The following SVIL variants were observed in gnomAD, a reference collection of about 807,000 sequenced individuals.
SVIL encodes supervillin.
A neutral mutation model predicts 240.4 loss-of-function variants in SVIL; 101 were observed. The observed-to-expected ratio is 0.42, with a 90% confidence interval of 0.36 to 0.50. The LOEUF (loss-of-function observed/expected upper bound fraction) is 0.50, where lower values mean the gene tolerates loss of function less well. Ranked by LOEUF, SVIL falls within the 20% of genes least tolerant of loss-of-function variation. SVIL has a pLI of 0.01. For missense variants in SVIL, 2,512 were observed against 2,818.7 expected (o/e 0.89, Z 2.46); for synonymous variants, 999 against 1,100.0 (o/e 0.91, Z 1.82).
chr10:29,476,358 A>G (rs1480089619), intron 29 of SVIL, among the ~76,000 whole-genome samples: 1 of 152,222 alleles, frequency 6.6e-6, no homozygotes, highest in Non-Finnish European at 1.5e-5. Context: ...ATCACATCCT[A>G]ACATTGCAAA....
intron 12 of SVIL, among the ~76,000 whole-genome samples, chr10:29,527,751 A>T (rs1951037386): frequency 1.1e-5 from 1 of 91,866 alleles, no homozygotes; most frequent in Non-Finnish European, 2.0e-5. Flanking sequence ...TTTTTGACAG[A>T]GTCTCACTCT....
At chr10:29,537,583 A>G (rs1005960760) in intron 6 of SVIL, among the ~76,000 whole-genome samples, 1 of 152,246 alleles carries the variant, frequency 6.6e-6, no homozygotes, top group Non-Finnish European at 1.5e-5. Flanking sequence ...GGCTAGTTAC[A>G]ATGTTTACCA....
At chr10:29,697,801 AAAAT>A (rs1242346806) in intron 1 of SVIL, 1 of 245,338 alleles carries the variant, frequency 4.1e-6, no homozygotes, top group African/African-American at 4.1e-5. Context: ...AATTAAAAAA[AAAAT>A]AAAATTAAAA....
At position 29,734,887 on chromosome 10, in the gene SVIL, T is replaced by C. The variant is rs184188000; in HGVS notation, c.-400+864A>G. ...CACAACCTCGGGATGGGGCTGGGGA[T>C]GGCGGACAGGAGCTCCTTTAATTTC... On this transcript the variant is annotated intron_variant, in intron 1 of 35. Transcript: ENST00000375400. 2.2e-4 allele frequency among the ~76,000 whole-genome samples: 33 copies of C among 152,240 alleles called. 1 individual carries two copies. The South Asian group carries it at 6.6e-3, about 31-fold the overall frequency.
At chr10:29,594,779 A>G (rs929337359) in intron 1 of SVIL, among the ~76,000 whole-genome samples, 1 of 151,334 alleles carries the variant, frequency 6.6e-6, no homozygotes, top group Non-Finnish European at 1.5e-5. Flanking sequence ...CCAGTCTTGA[A>G]CTCCTGGGCT....
intron 1 of SVIL, among the ~76,000 whole-genome samples, chr10:29,704,460 C>CT (rs1283011910): frequency 6.6e-6 from 1 of 152,078 alleles, no homozygotes; most frequent in Admixed American, 6.5e-5. Context: ...TAGGCTCTCA[C>CT]TACATTGCCC....
chr10:29,700,077 C>T (rs551632377), intron 1 of SVIL, among the ~76,000 whole-genome samples: 22 of 152,236 alleles, frequency 1.4e-4, no homozygotes, highest in East Asian at 5.8e-4. Flanking sequence ...AAAACATAGA[C>T]GAAATAAATG....
At chr10:29,522,709 T>C in intron 15 of SVIL, 74 bp from the exon 16 acceptor site, 2 of 1,502,562 alleles carry the variant, frequency 1.3e-6, no homozygotes, top group Non-Finnish European at 1.8e-6. Flanking sequence ...CCCTCAACAG[T>C]GCAGCTCTCA....
At chr10:29,513,459 C>G (rs1354966575) in intron 16 of SVIL, among the ~76,000 whole-genome samples, 1 of 152,152 alleles carries the variant, frequency 6.6e-6, no homozygotes, top group Non-Finnish European at 1.5e-5. Flanking sequence ...TCGCTTGAAC[C>G]TGGGAGGCAG....
intron 3 of SVIL, among the ~76,000 whole-genome samples, chr10:29,559,818 G>C (rs1954287215): frequency 6.6e-6 from 1 of 152,146 alleles, no homozygotes. Flanking sequence ...GGCGATTTAA[G>C]GAAATTTGAT....
upstream of SVIL, among the ~76,000 whole-genome samples, chr10:29,639,799 A>G (rs1958427503): frequency 6.6e-6 from 1 of 152,164 alleles, no homozygotes; most frequent in South Asian, 2.1e-4. Context: ...AATAGATGAT[A>G]TAACAGTTCA....
intron 2 of SVIL, among the ~76,000 whole-genome samples, chr10:29,568,944 A>G (rs1955230986): frequency 6.6e-6 from 1 of 152,148 alleles, no homozygotes; most frequent in African/African-American, 2.4e-5. Flanking sequence ...AAAAGAATCT[A>G]GCTCCCTTCT....
At chr10:29,721,096 C>T (rs938691636) in intron 1 of SVIL, among the ~76,000 whole-genome samples, 35 of 152,066 alleles carry the variant, frequency 2.3e-4, no homozygotes, top group Admixed American at 2.1e-3. Flanking sequence ...AATCCACCCG[C>T]CTCAGCCTCC....
chr10:29,594,928 C>G (rs1429439183), intron 1 of SVIL, among the ~76,000 whole-genome samples: 1 of 152,210 alleles, frequency 6.6e-6, no homozygotes, highest in Non-Finnish European at 1.5e-5. Context: ...TTGTATAGTT[C>G]CCCAGCCCCT....
intron 30 of SVIL, 180 bp downstream of exon 30, chr10:29,473,658 A>C: frequency 1.4e-6 from 1 of 693,162 alleles, no homozygotes; most frequent in South Asian, 2.0e-5. Context: ...AAGTGGGAGG[A>C]GGAAAGAAAT....
At chr10:29,626,096 A>G (rs1326771482) in intron 1 of SVIL, among the ~76,000 whole-genome samples, 1 of 152,210 alleles carries the variant, frequency 6.6e-6, no homozygotes. Context: ...AGTTACGAGT[A>G]AGTTCTGGAA....
chr10:29,625,589 G>A (rs1423790984), intron 1 of SVIL, among the ~76,000 whole-genome samples: 2 of 151,880 alleles, frequency 1.3e-5, no homozygotes, highest in Admixed American at 6.6e-5. Flanking sequence ...TCAGCCTCCC[G>A]AGTAGCTGGG....
chr10:29,648,780 G>C (rs960686639), intron 3 of SVIL, among the ~76,000 whole-genome samples: 22 of 151,386 alleles, frequency 1.5e-4, no homozygotes, highest in Non-Finnish European at 2.8e-4. Context: ...CTAGAAGTTA[G>C]TCAAAGTTAT....
intron 5 of SVIL, among the ~76,000 whole-genome samples, chr10:29,553,660 A>C (rs1371929604): frequency 6.6e-6 from 1 of 152,204 alleles, no homozygotes; most frequent in Non-Finnish European, 1.5e-5. Flanking sequence ...TGGTGGGAAG[A>C]GCAGCCCTGC....
Sources: gnomAD v4.1 joint callset for allele counts (sites outside exome capture counted in the v4.1 genomes callset) on GRCh38, gnomAD v4.1.1 for gene constraint, MANE v1.5 for transcripts, NCBI Gene and HGNC (gene_info 2026-07-23, HGNC 2026-07-21) for gene names.